COG7: variants seen among roughly 807,000 people sequenced by gnomAD.
COG7 encodes conserved oligomeric Golgi complex subunit 7.
COG7 carries 49 observed loss-of-function variants against 91.5 expected under a neutral mutation model. The observed-to-expected ratio is 0.54, with a 90% CI of 0.43 to 0.68. The LOEUF (loss-of-function observed/expected upper bound fraction) is 0.68. Ranked by LOEUF, COG7 falls within the 30% of genes least tolerant of loss-of-function variation. COG7 has a pLI of 0.00. For synonymous variants in COG7, 365 were observed against 388.7 expected (o/e 0.94, Z 0.72); for missense variants, 895 against 961.3 (o/e 0.93, Z 0.91).
chr16:23,447,045 A>G (rs1165007730), intron 1 of COG7: 1 of 151,934 alleles, frequency 6.6e-6, no homozygotes. Flanking sequence ...CCACAATGCC[A>G]AGCCTAAAAA....
chr16:23,431,979 C>CA (rs1245768122), intron 6 of COG7, among the ~76,000 whole-genome samples: 122 of 151,656 alleles, frequency 8.0e-4, no homozygotes, highest in African/African-American at 2.8e-3. Flanking sequence ...CTTATCTCTA[C>CA]AAAAAAAATT....
chr16:23,389,064 A>C lies in COG7; in HGVS notation c.2169T>G (p.Asp723Glu). 6.2e-7 allele frequency: 1 copy of C among 1,614,034 alleles called. No individual in the cohort carries two copies. Among genetic ancestry groups the C allele is most frequent in the Non-Finnish European group, 8.5e-7 (1 of 1,180,004 alleles). The part of the protein sequence containing the change: ...TDIDYLINVM[D>E]ALGLQPSRTL... ...TGCGGGACGGCTGCAGGCCCAGGGC[A>C]TCCATCACGTTGATCAGATAGTCTG... Residue 723 changes from aspartate (D) to glutamate (E), a missense_variant, in exon 17 of 17, where the codon GAT (aspartate) becomes GAG (glutamate). By Grantham distance (45) the Asp-to-Glu change is conservative (BLOSUM62 2). Transcript: ENST00000307149.
chr16:23,407,806 T>A (rs558841448), intron 11 of COG7, among the ~76,000 whole-genome samples: 12 of 152,036 alleles, frequency 7.9e-5, no homozygotes, highest in African/African-American at 2.7e-4. Flanking sequence ...AATGAGACAG[T>A]CAGGTTCTGG....
intron 1 of COG7, chr16:23,446,402 T>G: frequency 4.5e-6 from 1 of 222,156 alleles, no homozygotes; most frequent in South Asian, 6.9e-5. Flanking sequence ...GAGCTAAAAG[T>G]AAGCCTCAGA....
intron 4 of COG7, chr16:23,441,769 CA>C (rs11314801): frequency 0.29 from 43,426 of 148,408 alleles, 7,030 homozygotes; most frequent in African/African-American, 0.45. Context: ...AAGCTACATA[CA>C]AAAAAAAAAT....
At chr16:23,433,201 C>T (rs191852231) in intron 6 of COG7, among the ~76,000 whole-genome samples, 19 of 152,252 alleles carry the variant, frequency 1.2e-4, no homozygotes, top group African/African-American at 4.6e-4. Context: ...ACCTCCTGGA[C>T]GTAAGCAATC....
intron 16 of COG7, chr16:23,389,902 C>G (rs1370932508): frequency 6.6e-6 from 1 of 152,226 alleles, no homozygotes; most frequent in Non-Finnish European, 1.5e-5. Context: ...GGGAGCAAAC[C>G]AGGTGCAGCC....
intron 16 of COG7, among the ~76,000 whole-genome samples, chr16:23,390,981 T>C (rs1020844186): frequency 6.6e-6 from 1 of 152,276 alleles, no homozygotes; most frequent in African/African-American, 2.4e-5. Flanking sequence ...TTGTTCTGTT[T>C]GTGCTCATGC....
chr16:23,395,562 G>A (rs771919787), intron 14 of COG7, among the ~76,000 whole-genome samples: 3 of 152,174 alleles, frequency 2.0e-5, no homozygotes, highest in East Asian at 1.9e-4. Context: ...TCACCAACAA[G>A]GCAAAGTATC....
intron 1 of COG7, 129 bp downstream of exon 1, chr16:23,452,697 T>C (rs1596963950): frequency 1.4e-6 from 2 of 1,465,208 alleles, no homozygotes; most frequent in East Asian, 2.5e-5. Flanking sequence ...GTTCGGGGCT[T>C]GCTCTTTTGC....
At chr16:23,422,005 G>A (rs79655718) in intron 7 of COG7, among the ~76,000 whole-genome samples, 3,369 of 152,172 alleles carry the variant, frequency 0.022, 80 homozygotes, top group Admixed American at 0.067. Context: ...ATATATCATA[G>A]TGATTAAAAA....
rs146564123 is a variant in COG7 at position 23,410,926 on chromosome 16, C to T, written c.1410-566G>A. ...TTCACTATATTGGCCAGGCTGGTCT[C>T]AAACTCCCGACCTTAAGTGATCCGC... On this transcript the variant is annotated intron_variant, in intron 10 of 16. Transcript: ENST00000307149. Among the ~76,000 whole-genome samples, 836 of 152,238 alleles carry T rather than the reference C, an allele frequency of 5.5e-3. 9 individuals are homozygous for T. The highest frequency in any genetic ancestry group is 0.019 in the African/African-American group (792 of 41,528).
At chr16:23,391,572 G>A (rs189481195) in intron 16 of COG7, among the ~76,000 whole-genome samples, 17 of 152,328 alleles carry the variant, frequency 1.1e-4, no homozygotes, top group Non-Finnish European at 2.1e-4. Context: ...GCCAGAAGCC[G>A]GTTGAGCCTG....
chr16:23,439,122 C>T (rs986027041), intron 4 of COG7, among the ~76,000 whole-genome samples: 7 of 145,464 alleles, frequency 4.8e-5, no homozygotes, highest in African/African-American at 1.8e-4. Context: ...CATGCCACTG[C>T]ACTCCAGCCT....
chr16:23,430,053 G>T (rs1258951694), intron 6 of COG7, among the ~76,000 whole-genome samples: 1 of 152,162 alleles, frequency 6.6e-6, no homozygotes, highest in Non-Finnish European at 1.5e-5. Flanking sequence ...TGGTGATATG[G>T]ATGTTCTGGA....
At chr16:23,428,445 G>A (rs977414755) in intron 6 of COG7, among the ~76,000 whole-genome samples, 11 of 151,812 alleles carry the variant, frequency 7.2e-5, no homozygotes, top group Admixed American at 6.6e-4. Flanking sequence ...GACCTGAATA[G>A]ACATTTCGCA....
At chr16:23,403,936 A>G in intron 12 of COG7, 102 bp from the exon 13 acceptor site, 1 of 1,407,392 alleles carries the variant, frequency 7.1e-7, no homozygotes, top group Non-Finnish European at 9.9e-7. Context: ...TGGGGGTTCT[A>G]TGCAATAGTG....
chr16:23,433,186 C>A (rs1963960040), intron 6 of COG7, among the ~76,000 whole-genome samples: 1 of 152,104 alleles, frequency 6.6e-6, no homozygotes, highest in East Asian at 1.9e-4. Flanking sequence ...GTCACTGTGG[C>A]CTCAACCTCC....
intron 9 of COG7, 31 bp from the exon 10 acceptor site, chr16:23,413,595 G>T: frequency 8.7e-7 from 1 of 1,143,224 alleles, no homozygotes; most frequent in Non-Finnish European, 1.3e-6. Flanking sequence ...ATGGTAGGGA[G>T]GTCACCACTG....
Sources: allele counts gnomAD v4.1 joint callset (sites outside exome capture counted in the v4.1 genomes callset), GRCh38; gene constraint gnomAD v4.1.1; transcripts MANE v1.5; gene names NCBI Gene and HGNC (gene_info 2026-07-23, HGNC 2026-07-21).